MARK2: variants seen among roughly 807,000 people sequenced by gnomAD.
MARK2 encodes microtubule affinity regulating kinase 2.
Under a neutral mutation model 89.8 loss-of-function variants are expected in MARK2, and 16 were observed. The ratio of observed to expected loss-of-function variants is 0.18; its 90% CI spans 0.12 to 0.27. The LOEUF is 0.27. MARK2 is among the 10% of genes least tolerant of loss of function. The pLI, the probability that MARK2 is intolerant of heterozygous loss-of-function variation, is 1.00. For missense variants in MARK2, 621 were observed against 1,049.9 expected, an observed-to-expected ratio of 0.59 and a Z score of 5.65; for synonymous variants, 382 against 399.5, an observed-to-expected ratio of 0.96 and a Z score of 0.52.
At chr11:63,889,883 G>C (rs1438794116) in intron 1 of MARK2, among the ~76,000 whole-genome samples, 1 of 152,168 alleles carries the variant, frequency 6.6e-6, no homozygotes, top group East Asian at 1.9e-4. Context: ...CAGAGCTTTG[G>C]GAGTGCCTGG....
intron 1 of MARK2, among the ~76,000 whole-genome samples, chr11:63,850,271 CCCAAGT>C (rs2016503305): frequency 1.3e-5 from 2 of 151,820 alleles, no homozygotes; most frequent in African/African-American, 4.8e-5. Flanking sequence ...GCCTCAGCCT[CCCAAGT>C]AGCTGGGATT....
At chr11:63,906,031 G>A in intron 16 of MARK2, 57 bp from the exon 17 acceptor site, 1 of 1,327,484 alleles carries the variant, frequency 7.5e-7, no homozygotes, top group South Asian at 2.1e-5. Context: ...ATACCGTCTT[G>A]TTGGTTTTTT....
chr11:63,894,921 C>G (rs1809569780), intron 1 of MARK2, among the ~76,000 whole-genome samples: 1 of 152,100 alleles, frequency 6.6e-6, no homozygotes, highest in African/African-American at 2.4e-5. Flanking sequence ...GACAGCTCTG[C>G]TCCTGAGCTT....
chr11:63,857,226 G>T (rs2016910591), intron 1 of MARK2, among the ~76,000 whole-genome samples: 2 of 152,152 alleles, frequency 1.3e-5, no homozygotes, highest in Admixed American at 6.6e-5. Context: ...GAGTGTGGTG[G>T]CACGATGTTG....
chr11:63,848,958 C>T (rs955313445), intron 1 of MARK2, among the ~76,000 whole-genome samples: 5 of 152,056 alleles, frequency 3.3e-5, no homozygotes, highest in Non-Finnish European at 5.9e-5. Context: ...CCGCCCGCCT[C>T]GGCTTCCCAA....
At chr11:63,876,225 TAGCCTTCAAAC>T (rs1255311199) in intron 1 of MARK2, among the ~76,000 whole-genome samples, 2 of 16,754 alleles carry the variant, frequency 1.2e-4, no homozygotes, top group African/African-American at 7.5e-4. Context: ...GACCAGAACT[TAGCCTTCAAAC>T]TTAGCCTTCA....
intron 1 of MARK2, among the ~76,000 whole-genome samples, chr11:63,849,317 G>C (rs967715240): frequency 2.0e-5 from 3 of 152,214 alleles, no homozygotes; most frequent in African/African-American, 7.2e-5. Context: ...TGGTTCTCCA[G>C]TCACAGGAAG....
chr11:63,888,849 C>T (rs1459292748), intron 1 of MARK2: 3 of 1,308,506 alleles, frequency 2.3e-6, no homozygotes, highest in Non-Finnish European at 3.0e-6. Flanking sequence ...CGGCAGCCCC[C>T]GCCCTAGGCC....
intron 1 of MARK2, among the ~76,000 whole-genome samples, chr11:63,865,478 C>T (rs897580324): frequency 6.6e-6 from 1 of 152,226 alleles, no homozygotes; most frequent in African/African-American, 2.4e-5. Flanking sequence ...TGCCCCTTCC[C>T]GTACCCCATC....
At chr11:63,894,075 G>A (rs898920277) in intron 1 of MARK2, among the ~76,000 whole-genome samples, 11 of 152,190 alleles carry the variant, frequency 7.2e-5, no homozygotes, top group African/African-American at 2.7e-4. Flanking sequence ...CCTCATTTGA[G>A]CCGGGTGGCA....
chr11:63,892,059 G>A lies in MARK2; in HGVS notation c.55-3100G>A, dbSNP rs529433594. Among the ~76,000 whole-genome samples, 101 of 152,242 alleles carry A rather than the reference G, an allele frequency of 6.6e-4. 1 individual carries two copies. Among genetic ancestry groups the A allele is most frequent in the Non-Finnish European group, 1.4e-3 (93 of 68,042 alleles). Reference sequence around the variant, plus strand: ...CAGGCTTAGGTGAGCTACAGGGTGCGTGGAGAACAGAGCACCAGAGAGCTC... The same window carrying A: ...CAGGCTTAGGTGAGCTACAGGGTGCATGGAGAACAGAGCACCAGAGAGCTC... On this transcript the variant is annotated intron_variant, in intron 1 of 18. Transcript: ENST00000402010.
intron 1 of MARK2, among the ~76,000 whole-genome samples, chr11:63,865,282 C>T (rs557956173): frequency 1.7e-4 from 26 of 151,916 alleles, no homozygotes; most frequent in African/African-American, 6.3e-4. Context: ...TCTGTCACCT[C>T]AGCTGGAGTG....
At chr11:63,874,386 C>A (rs1591024344) in intron 1 of MARK2, among the ~76,000 whole-genome samples, 2 of 152,176 alleles carry the variant, frequency 1.3e-5, no homozygotes, top group South Asian at 4.1e-4. Context: ...CTTTTTTCAG[C>A]CCTACATGCT....
chr11:63,868,583 C>T (rs1001707456), intron 1 of MARK2: 2 of 340,208 alleles, frequency 5.9e-6, no homozygotes, highest in Admixed American at 3.8e-5. Context: ...GAGAGGAAAC[C>T]ACAGGGAGGA....
At chr11:63,891,751 T>C (rs1280496822) in intron 1 of MARK2, among the ~76,000 whole-genome samples, 1 of 152,252 alleles carries the variant, frequency 6.6e-6, no homozygotes, top group Non-Finnish European at 1.5e-5. Flanking sequence ...GGAAGGTTTT[T>C]TCCTGTTCAT....
intron 1 of MARK2, among the ~76,000 whole-genome samples, chr11:63,851,098 T>C (rs1200421478): frequency 6.6e-6 from 1 of 152,236 alleles, no homozygotes; most frequent in African/African-American, 2.4e-5. Flanking sequence ...GTTCTTGTTA[T>C]CTGCGTTTCA....
chr11:63,885,057 G>T (rs1939312694), intron 1 of MARK2, among the ~76,000 whole-genome samples: 1 of 152,202 alleles, frequency 6.6e-6, no homozygotes, highest in South Asian at 2.1e-4. Context: ...ACAAAAATTA[G>T]CCGGGCTTGG....
Position 63,884,094 on chromosome 11 carries a change from C to T in MARK2, c.55-11065C>T, listed in dbSNP as rs148472568. Among the ~76,000 whole-genome samples the T allele has an allele frequency of 1.6e-4, 25 of 152,300 alleles. 1 individual carries two copies. The highest frequency in any genetic ancestry group is 1.2e-4 in the Non-Finnish European group (8 of 68,036). ...AGTTTCTGGAAGGCAGGAGCCAGATCGCACTGAGCTTTGCAACTGGAGCCA... is the reference window on the plus strand; with the variant it reads ...AGTTTCTGGAAGGCAGGAGCCAGATTGCACTGAGCTTTGCAACTGGAGCCA... On this transcript the variant is annotated intron_variant, in intron 1 of 18. Coordinates refer to ENST00000402010, the MANE Select transcript of MARK2 (RefSeq NM_001039469.3).
chr11:63,898,407 C>T, intron 4 of MARK2, 127 bp downstream of exon 4: 4 of 1,031,604 alleles, frequency 3.9e-6, no homozygotes, highest in Non-Finnish European at 6.0e-6. Context: ...CCTGGGGAAG[C>T]TCAGCTCAAA....
Sources: gnomAD v4.1 joint callset for allele counts (sites outside exome capture counted in the v4.1 genomes callset) on GRCh38, gnomAD v4.1.1 for gene constraint, MANE v1.5 for transcripts, NCBI Gene and HGNC (gene_info 2026-07-23, HGNC 2026-07-21) for gene names.